The following KCND2 variants were observed in gnomAD, a reference collection of about 807,000 sequenced individuals.
KCND2 encodes the protein A-type voltage-gated potassium channel KCND2.
A neutral mutation model predicts 54.4 loss-of-function variants in KCND2; 16 were observed. The observed-to-expected ratio is 0.29, with a 90% confidence interval of 0.20 to 0.45. The LOEUF (loss-of-function observed/expected upper bound fraction) is 0.45, where lower values mean the gene tolerates loss of function less well. Ranked by LOEUF, KCND2 falls within the 20% of genes least tolerant of loss-of-function variation. KCND2 has a pLI of 1.00. For synonymous variants in KCND2, 317 were observed against 310.7 expected, an observed-to-expected ratio of 1.02 and a Z score of -0.21; for missense variants, 486 against 824.2, an observed-to-expected ratio of 0.59 and a Z score of 5.02.
intron 1 of KCND2, among the ~76,000 whole-genome samples, chr7:120,660,898 C>A (rs1229463269): frequency 6.6e-6 from 1 of 152,104 alleles, no homozygotes; most frequent in Non-Finnish European, 1.5e-5. Context: ...ATATTACTTT[C>A]TTTAAGTCCT....
intron 1 of KCND2, among the ~76,000 whole-genome samples, chr7:120,412,449 C>T (rs928924815): frequency 6.6e-6 from 1 of 151,994 alleles, no homozygotes; most frequent in Admixed American, 6.6e-5. Context: ...AATCTGTTTC[C>T]AATACTTTAC....
chr7:120,496,615 G>A (rs542747144), intron 1 of KCND2, among the ~76,000 whole-genome samples: 3 of 151,788 alleles, frequency 2.0e-5, no homozygotes, highest in Admixed American at 6.6e-5. Context: ...TAGTAGAGAC[G>A]GAGTTTCACC....
intron 1 of KCND2, among the ~76,000 whole-genome samples, chr7:120,714,312 C>CAA (rs11388378): frequency 4.1e-4 from 62 of 149,436 alleles, no homozygotes; most frequent in East Asian, 2.2e-3. Context: ...TAAGTTTTGA[C>CAA]AAAAAAAAAT....
chr7:120,679,210 A>G (rs1792109943), intron 1 of KCND2, among the ~76,000 whole-genome samples: 2 of 151,896 alleles, frequency 1.3e-5, no homozygotes, highest in South Asian at 4.1e-4. Flanking sequence ...ATTTTTCATC[A>G]TAATCTTTTT....
chr7:120,360,593 G>A (rs1584746636), intron 1 of KCND2, among the ~76,000 whole-genome samples: 1 of 152,098 alleles, frequency 6.6e-6, no homozygotes, highest in East Asian at 1.9e-4. Context: ...AAAGTAGACT[G>A]AGTAGTCTAA....
intron 1 of KCND2, among the ~76,000 whole-genome samples, chr7:120,525,810 T>A (rs563742682): frequency 2.0e-5 from 3 of 152,306 alleles, no homozygotes; most frequent in East Asian, 3.9e-4. Context: ...ACCACCTCAG[T>A]GAAGTCAAAC....
chr7:120,525,934 G>C (rs1255890623), intron 1 of KCND2, among the ~76,000 whole-genome samples: 1 of 152,040 alleles, frequency 6.6e-6, no homozygotes, highest in East Asian at 1.9e-4. Flanking sequence ...TGTTATATGT[G>C]TCAGTACTGT....
chr7:120,729,842 A>C (rs989398540), intron 1 of KCND2, among the ~76,000 whole-genome samples: 3 of 152,198 alleles, frequency 2.0e-5, no homozygotes, highest in African/African-American at 7.2e-5. Context: ...TTTGGTGTAG[A>C]TTAGCCTAGC....
At chr7:120,431,713 A>G (rs1206311308) in intron 1 of KCND2, among the ~76,000 whole-genome samples, 1 of 152,176 alleles carries the variant, frequency 6.6e-6, no homozygotes, top group Non-Finnish European at 1.5e-5. Context: ...CAGGACTTGT[A>G]CTTTTACATT....
chr7:120,428,780 A>G (rs987169464), intron 1 of KCND2, among the ~76,000 whole-genome samples: 15 of 152,318 alleles, frequency 9.8e-5, no homozygotes, highest in African/African-American at 3.4e-4. Context: ...ATGAGCAGCA[A>G]TGGTTATAGA....
At chr7:120,398,727 C>T (rs1801196839) in intron 1 of KCND2, among the ~76,000 whole-genome samples, 4 of 152,052 alleles carry the variant, frequency 2.6e-5, no homozygotes, top group Admixed American at 1.3e-4. Flanking sequence ...GAGTCACCCA[C>T]ACCTTGCTAA....
At chr7:120,367,405 T>C (rs1035820956) in intron 1 of KCND2, among the ~76,000 whole-genome samples, 1 of 152,082 alleles carries the variant, frequency 6.6e-6, no homozygotes, top group Non-Finnish European at 1.5e-5. Context: ...CCTCTATGGT[T>C]TAGAACCAGG....
chr7:120,743,601 TC>T (rs1195461769), intron 4 of KCND2, among the ~76,000 whole-genome samples: 18 of 152,148 alleles, frequency 1.2e-4, no homozygotes, highest in African/African-American at 4.3e-4. Flanking sequence ...AGGCAAGGCT[TC>T]CTGGAGGAAC....
At chr7:120,424,817 A>G (rs1801677297) in intron 1 of KCND2, among the ~76,000 whole-genome samples, 1 of 152,226 alleles carries the variant, frequency 6.6e-6, no homozygotes, top group Non-Finnish European at 1.5e-5. Flanking sequence ...TGTGAAGTCA[A>G]GTTTAGTCTA....
chr7:120,326,876 T>C (rs1799986199), intron 1 of KCND2, among the ~76,000 whole-genome samples: 2 of 152,196 alleles, frequency 1.3e-5, no homozygotes, highest in East Asian at 3.9e-4. Context: ...ATGAATAATG[T>C]ACTGAACTAT....
At chr7:120,729,589 A>T (rs1792779653) in intron 1 of KCND2, among the ~76,000 whole-genome samples, 1 of 152,144 alleles carries the variant, frequency 6.6e-6, no homozygotes, top group African/African-American at 2.4e-5. Flanking sequence ...CTCTCACAAC[A>T]GCAGAGCCTT....
At chr7:120,640,894 G>T (rs898319934) in intron 1 of KCND2, among the ~76,000 whole-genome samples, 2 of 152,172 alleles carry the variant, frequency 1.3e-5, no homozygotes, top group Non-Finnish European at 2.9e-5. Flanking sequence ...CCAGACTTGG[G>T]TGTAAGTCTT....
chr7:120,685,948 A>C (rs1366248832), intron 1 of KCND2, among the ~76,000 whole-genome samples: 1 of 152,166 alleles, frequency 6.6e-6, no homozygotes, highest in African/African-American at 2.4e-5. Flanking sequence ...CACAATTCCT[A>C]GATCTCACAG....
chr7:120,729,035 A>C (rs971537639), intron 1 of KCND2, among the ~76,000 whole-genome samples: 21 of 152,258 alleles, frequency 1.4e-4, no homozygotes, highest in African/African-American at 5.1e-4. Flanking sequence ...CCTTTCCTCC[A>C]CGGAATTTCA....
Sources: gnomAD v4.1 joint callset for allele counts (sites outside exome capture counted in the v4.1 genomes callset) on GRCh38, gnomAD v4.1.1 for gene constraint, MANE v1.5 for transcripts, NCBI Gene and HGNC (gene_info 2026-07-23, HGNC 2026-07-21) for gene names.